Variants in RAB18 observed in about 807,000 individuals in gnomAD.
RAB18 encodes the protein ras-related protein Rab-18.
In RAB18, 10 loss-of-function variants were observed where a neutral mutation model predicts 28.5. The ratio of observed to expected loss-of-function variants is 0.35; its 90% confidence interval spans 0.22 to 0.60. The LOEUF (loss-of-function observed/expected upper bound fraction) is 0.60. Among genes scored for constraint, RAB18 ranks in the 20% least tolerant of loss-of-function variants. The pLI, the probability that RAB18 is intolerant of heterozygous loss-of-function variation, is 0.78. For synonymous variants in RAB18, 93 were observed against 86.9 expected, an observed-to-expected ratio of 1.07 and a Z score of -0.39; for missense variants, 188 against 244.2, an observed-to-expected ratio of 0.77 and a Z score of 1.53.
intron 2 of RAB18, chr10:27,510,420 G>T: frequency 5.9e-6 from 1 of 170,126 alleles, no homozygotes; most frequent in Non-Finnish European, 1.3e-5. Flanking sequence ...TAGTTATTAA[G>T]GATTGTTAGG....
intron 2 of RAB18, among the ~76,000 whole-genome samples, chr10:27,520,748 C>A (rs1442743994): frequency 2.0e-5 from 3 of 151,716 alleles, no homozygotes; most frequent in African/African-American, 7.3e-5. Context: ...GAAACCCCGT[C>A]TCTACTAAAA....
chr10:27,507,090 G>A (rs1837861245), intron 1 of RAB18, among the ~76,000 whole-genome samples: 1 of 152,072 alleles, frequency 6.6e-6, no homozygotes, highest in Non-Finnish European at 1.5e-5. Context: ...CTTTTAAAGT[G>A]AATTAGTACA....
Position 27,539,093 on chromosome 10 carries a change from T to G in RAB18, c.*1042T>G, listed in dbSNP as rs1381530722. ...ACTGTCACAATGAAAATCTTGACAA[T>G]TTACTTAACAAGTAACCAGTAGTTC... On this transcript the variant is annotated 3_prime_UTR_variant, in exon 7 of 7. Transcript: ENST00000356940. The G allele has an allele frequency of 2.4e-6, 1 of 423,088 alleles. No homozygotes were observed. Among genetic ancestry groups the G allele is most frequent in the Non-Finnish European group, 4.7e-6 (1 of 211,434 alleles). The allele number at this position is 423,088 out of a possible 1,614,324, so 26.2% of individuals were successfully genotyped here.
chr10:27,534,338 C>G (rs1834850618), intron 6 of RAB18, among the ~76,000 whole-genome samples: 2 of 152,238 alleles, frequency 1.3e-5, no homozygotes, highest in Admixed American at 6.5e-5. Flanking sequence ...TGCTTCAGCT[C>G]AGGCCCTACC....
intron 3 of RAB18, chr10:27,528,200 T>C: frequency 2.4e-6 from 1 of 408,954 alleles, no homozygotes; most frequent in South Asian, 1.8e-5. Context: ...GAGATTTTTC[T>C]CTCATAGTTT....
intron 2 of RAB18, among the ~76,000 whole-genome samples, chr10:27,515,841 A>G (rs1031180316): frequency 1.3e-5 from 2 of 152,144 alleles, no homozygotes; most frequent in Admixed American, 6.5e-5. Flanking sequence ...TTCCTTCTTT[A>G]TCATTCCAAC....
At chr10:27,535,944 G>C (rs1052394228) in intron 6 of RAB18, among the ~76,000 whole-genome samples, 1 of 152,104 alleles carries the variant, frequency 6.6e-6, no homozygotes, top group Non-Finnish European at 1.5e-5. Context: ...TTCACCGGGC[G>C]TGGTGGCGGG....
intron 2 of RAB18, among the ~76,000 whole-genome samples, chr10:27,515,424 TG>T (rs1234515361): frequency 2.0e-5 from 3 of 152,198 alleles, no homozygotes; most frequent in Non-Finnish European, 4.4e-5. Flanking sequence ...TACTTCAGAC[TG>T]GGTCACAACA....
rs34006982 is a variant in RAB18 at position 27,523,265 on chromosome 10, C to CTTTT, written c.125-3543_125-3540dup. 9.7e-3 allele frequency among the ~76,000 whole-genome samples: 765 copies of CTTTT among 79,248 alleles called. 1 individual carries two copies. Among genetic ancestry groups the CTTTT allele is most frequent in the East Asian group, 0.023 (41 of 1,814 alleles). 52.0% of individuals were successfully genotyped at this position (79,248 alleles called of 152,430 possible). On this transcript the variant is annotated intron_variant, in intron 2 of 6. Coordinates refer to ENST00000356940, the MANE Select transcript of RAB18 (RefSeq NM_021252.5). ...ATGATGTCTCCGAGTTTTTCTTCTT[C>CTTTT]TTTTTTTTTTTTTTTTTTTTTTTGC...
At chr10:27,529,874 G>A (rs1013298252) in intron 3 of RAB18, among the ~76,000 whole-genome samples, 1 of 151,918 alleles carries the variant, frequency 6.6e-6, no homozygotes, top group African/African-American at 2.4e-5. Flanking sequence ...AAACACTTTT[G>A]TAAGTGAATC....
At chr10:27,530,534 A>G (rs1027735544) in intron 3 of RAB18, among the ~76,000 whole-genome samples, 3 of 151,726 alleles carry the variant, frequency 2.0e-5, no homozygotes, top group Non-Finnish European at 4.4e-5. Flanking sequence ...TAATTTGAAT[A>G]TTACTAATTT....
At chr10:27,520,299 CT>C (rs893163763) in intron 2 of RAB18, among the ~76,000 whole-genome samples, 12 of 151,176 alleles carry the variant, frequency 7.9e-5, no homozygotes, top group African/African-American at 2.4e-4. Context: ...TCTTATGATC[CT>C]TTTTTTTCTG....
chr10:27,515,530 G>A (rs1834420552), intron 2 of RAB18, among the ~76,000 whole-genome samples: 1 of 152,082 alleles, frequency 6.6e-6, no homozygotes, highest in African/African-American at 2.4e-5. Flanking sequence ...GACAAATTGT[G>A]GTTGTTATGG....
intron 2 of RAB18, among the ~76,000 whole-genome samples, chr10:27,513,034 T>TATATATA (rs200640744): frequency 1.0e-4 from 12 of 116,420 alleles, no homozygotes; most frequent in African/African-American, 2.9e-4. Flanking sequence ...ATATATATAT[T>TATATATA]TTTTTTTTTT....
At position 27,532,552 on chromosome 10, in the gene RAB18, T is replaced by C. The variant is rs1426492457; in HGVS notation, c.232T>C (p.Tyr78His). ...GTTTAGAACATTAACTCCCAGCTAT[T>C]ATAGAGGTGCACAGGGTGTTATATT... ...ERFRTLTPSYYRGAQGVILVY... is the reference protein window; with the variant it reads ...ERFRTLTPSYHRGAQGVILVY... The change falls in exon 4 of 7, where the codon TAT (tyrosine) becomes CAT (histidine). Residue 78 changes from tyrosine (Y) to histidine (H), a missense_variant. Coordinates refer to ENST00000356940, the MANE Select transcript of RAB18 (RefSeq NM_021252.5). The C allele has an allele frequency of 2.5e-6, 4 of 1,604,360 alleles. No homozygotes were observed. Among genetic ancestry groups the C allele is most frequent in the Non-Finnish European group, 2.6e-6 (3 of 1,172,186 alleles).
chr10:27,511,133 AT>A (rs1834314866), intron 2 of RAB18, among the ~76,000 whole-genome samples: 1 of 152,306 alleles, frequency 6.6e-6, no homozygotes, highest in African/African-American at 2.4e-5. Flanking sequence ...AAGACAAATA[AT>A]TGTTTCGGGT....
chr10:27,526,294 AGT>A (rs1834670418), intron 2 of RAB18, among the ~76,000 whole-genome samples: 1 of 152,226 alleles, frequency 6.6e-6, no homozygotes, highest in Non-Finnish European at 1.5e-5. Context: ...ACATAAAAAT[AGT>A]ATTTTTTTAG....
At chr10:27,529,055 A>T (rs1834736206) in intron 3 of RAB18, among the ~76,000 whole-genome samples, 1 of 152,036 alleles carries the variant, frequency 6.6e-6, no homozygotes. Flanking sequence ...ATATAATAAA[A>T]TTATTAGCTC....
chr10:27,507,506 A>G (rs978019941), intron 1 of RAB18, among the ~76,000 whole-genome samples: 8 of 148,708 alleles, frequency 5.4e-5, no homozygotes, highest in Admixed American at 2.0e-4. Flanking sequence ...AGAGAGACCT[A>G]TTATCTAAAT....
Sources: gnomAD v4.1 joint callset for allele counts (sites outside exome capture counted in the v4.1 genomes callset) on GRCh38, gnomAD v4.1.1 for gene constraint, MANE v1.5 for transcripts, NCBI Gene and HGNC (gene_info 2026-07-23, HGNC 2026-07-21) for gene names.